The following SASH1 variants were observed in gnomAD, a reference collection of about 807,000 sequenced individuals.
SASH1 encodes SAM and SH3 domain containing 1.
SASH1 carries 44 observed loss-of-function variants against 125.2 expected under a neutral mutation model. The observed-to-expected ratio is 0.35, with a 90% CI of 0.28 to 0.45. The LOEUF (loss-of-function observed/expected upper bound fraction) is 0.45. Ranked by LOEUF, SASH1 falls within the 20% of genes least tolerant of loss-of-function variation. The pLI is 1.00. For synonymous variants in SASH1, 639 were observed against 649.1 expected (o/e 0.98, Z 0.24); for missense variants, 1,426 against 1,614.5 (o/e 0.88, Z 2.00).
chr6:148,293,574 G>A (rs532053207), intron 1 of SASH1, among the ~76,000 whole-genome samples: 2 of 152,302 alleles, frequency 1.3e-5, no homozygotes, highest in South Asian at 2.1e-4. Context: ...GGCAGCGTGG[G>A]CAGAGTCGGA....
chr6:148,499,644 G>T (rs1194152858), intron 8 of SASH1, among the ~76,000 whole-genome samples: 1 of 152,136 alleles, frequency 6.6e-6, no homozygotes, highest in Non-Finnish European at 1.5e-5. Context: ...TCCCAGAGAA[G>T]GTGGTTGACA....
At chr6:148,367,689 G>A (rs1403988581) in intron 1 of SASH1, among the ~76,000 whole-genome samples, 1 of 152,252 alleles carries the variant, frequency 6.6e-6, no homozygotes, top group Non-Finnish European at 1.5e-5. Context: ...ACAAGTCCAG[G>A]TCTTCTGCCC....
intron 2 of SASH1, among the ~76,000 whole-genome samples, chr6:148,401,889 G>A (rs1784182996): frequency 6.6e-6 from 1 of 152,128 alleles, no homozygotes; most frequent in African/African-American, 2.4e-5. Context: ...TTCAAAGGGT[G>A]TCTTTGTTTG....
rs117246600 is a variant in SASH1, at chr6:148,439,915, G to A, written c.286-269G>A. Among the ~76,000 whole-genome samples the A allele has an allele frequency of 6.9e-3, 1,057 of 152,262 alleles. 5 individuals are homozygous for A. The highest frequency in any genetic ancestry group is 0.011 in the Non-Finnish European group (768 of 68,008). On this transcript the variant is annotated intron_variant, in intron 2 of 19. Coordinates refer to ENST00000367467, the MANE Select transcript of SASH1 (RefSeq NM_015278.5). ...TTCACCATGAACTGTCAGTCCCCTT[G>A]ACTGAAATTGTGCTTTTTTTCTTCT...
intron 1 of SASH1, among the ~76,000 whole-genome samples, chr6:148,356,905 A>C (rs111659655): frequency 6.6e-6 from 1 of 152,160 alleles, no homozygotes; most frequent in Non-Finnish European, 1.5e-5. Context: ...GTAGTATTAC[A>C]TTGGGGTTTT....
At chr6:148,546,258 A>C in intron 19 of SASH1, 112 bp downstream of exon 19, 1 of 1,278,430 alleles carries the variant, frequency 7.8e-7, no homozygotes, top group Non-Finnish European at 1.1e-6. Context: ...TATGGAAAGG[A>C]GACAGCTGGG....
chr6:148,496,779 G>A (rs1054814761), intron 8 of SASH1, among the ~76,000 whole-genome samples: 4 of 151,976 alleles, frequency 2.6e-5, no homozygotes, highest in South Asian at 4.1e-4. Context: ...AGGCTGAGTC[G>A]GGAGGATTTC....
At chr6:148,338,670 T>C (rs1781236388), upstream of SASH1, among the ~76,000 whole-genome samples, 1 of 152,072 alleles carries the variant, frequency 6.6e-6, no homozygotes, top group Non-Finnish European at 1.5e-5. Context: ...ATGATGATGA[T>C]GATGGTGATT....
In SASH1 at chr6:148,543,715, T is replaced by C; in HGVS notation, c.2245T>C (p.Ser749Pro). The C allele has an allele frequency of 6.4e-7, 1 of 1,565,366 alleles. No individual in the cohort carries two copies. The highest frequency in any genetic ancestry group is 8.7e-7 in the Non-Finnish European group (1 of 1,153,768). The change falls in exon 18 of 20, where the codon TCA (serine) becomes CCA (proline). Residue 749 changes from serine (S) to proline (P), a missense_variant. Coordinates refer to ENST00000367467, the MANE Select transcript of SASH1 (RefSeq NM_015278.5). The stretch of plus-strand genomic sequence containing the variant: ...GAAAGCTAGCCTCCTATCTGCCAAG[T>C]CATCCACCGAGCCCAGCTTGAAGTC... ...TRKASLLSAK[S>P]STEPSLKSFS... is the part of the protein sequence containing the mutation.
At chr6:148,326,374 A>ATATATATG (rs1384320272) in intron 1 of SASH1, among the ~76,000 whole-genome samples, 108 of 42,616 alleles carry the variant, frequency 2.5e-3, no homozygotes, top group Non-Finnish European at 4.1e-3. Context: ...ATATATATAT[A>ATATATATG]CATTCTTTTC....
chr6:148,502,415 A>C (rs116836704), intron 8 of SASH1, among the ~76,000 whole-genome samples: 1 of 152,230 alleles, frequency 6.6e-6, no homozygotes, highest in Non-Finnish European at 1.5e-5. Flanking sequence ...AGCAACTCAT[A>C]AACACACTTT....
At chr6:148,420,028 A>G (rs991380334) in intron 2 of SASH1, among the ~76,000 whole-genome samples, 7 of 152,240 alleles carry the variant, frequency 4.6e-5, no homozygotes, top group Non-Finnish European at 7.3e-5. Context: ...CCTTATTAAT[A>G]TAATACAGTA....
At chr6:148,380,204 A>C (rs565476877) in intron 1 of SASH1, among the ~76,000 whole-genome samples, 38 of 152,306 alleles carry the variant, frequency 2.5e-4, no homozygotes, top group African/African-American at 8.9e-4. Context: ...AGCCAGAGTC[A>C]AGCTCAGTCT....
chr6:148,382,180 C>T (rs1783167199), intron 1 of SASH1, among the ~76,000 whole-genome samples: 1 of 152,276 alleles, frequency 6.6e-6, no homozygotes, highest in Non-Finnish European at 1.5e-5. Flanking sequence ...GCAGCTTCCA[C>T]ATGGTGTCAC....
At chr6:148,333,710 C>A (rs1036807521) in intron 1 of SASH1, among the ~76,000 whole-genome samples, 2 of 151,908 alleles carry the variant, frequency 1.3e-5, no homozygotes, top group Non-Finnish European at 2.9e-5. Flanking sequence ...TACAGGCATG[C>A]GCCACCACAC....
chr6:148,535,499 C>T (rs1367465664), intron 16 of SASH1, among the ~76,000 whole-genome samples: 1 of 152,182 alleles, frequency 6.6e-6, no homozygotes, highest in Non-Finnish European at 1.5e-5. Context: ...AAATGAAATT[C>T]ATCAGCTTTC....
chr6:148,532,734 C>CT lies in SASH1; in HGVS notation c.1565-60dup. ...TCCTAATCTGCCATACCTTCAATAC[C>CT]TTTCTGCTTTGCTGGGTGGGAAATC... is the stretch of plus-strand genomic sequence containing the variant. On this transcript the variant is annotated intron_variant, in intron 13 of 19. Transcript: ENST00000367467. This position sits in a 1 kb window ranked among gnomAD's most constrained non-coding sequence, Gnocchi z 4.7. 6.3e-7 allele frequency: 1 copy of CT among 1,584,676 alleles called. No individual in the cohort carries two copies. Among genetic ancestry groups the CT allele is most frequent in the Non-Finnish European group, 8.6e-7 (1 of 1,160,120 alleles).
At chr6:148,399,713 T>C (rs1784098846) in intron 2 of SASH1, among the ~76,000 whole-genome samples, 1 of 152,098 alleles carries the variant, frequency 6.6e-6, no homozygotes, top group Non-Finnish European at 1.5e-5. Context: ...AAATTGACAC[T>C]AACTGGGGAG....
intron 8 of SASH1, chr6:148,508,682 G>A (rs1583274635): frequency 9.4e-6 from 11 of 1,174,322 alleles, no homozygotes; most frequent in East Asian, 6.1e-5. Context: ...TTTCTCCTTC[G>A]GATACTGAGC....
Sources: gnomAD v4.1 joint callset for allele counts (sites outside exome capture counted in the v4.1 genomes callset) on GRCh38, gnomAD v4.1.1 for gene constraint, Gnocchi (gnomAD v3.1) non-coding constraint, MANE v1.5 for transcripts, NCBI Gene and HGNC (gene_info 2026-07-23, HGNC 2026-07-21) for gene names.